NRXN1: variants seen among roughly 807,000 people sequenced by gnomAD.
The protein encoded by NRXN1 is neurexin 1, also known as neurexin-1.
In NRXN1, 39 loss-of-function variants were observed where a neutral mutation model predicts 150.9. The observed-to-expected ratio is 0.26, with a 90% CI of 0.20 to 0.34. NRXN1 has a LOEUF of 0.34. NRXN1 is among the 10% of genes least tolerant of loss of function. The pLI is 1.00. For missense variants in NRXN1, 1,815 were observed against 1,949.9 expected, an observed-to-expected ratio of 0.93 and a Z score of 1.30; for synonymous variants, 924 against 757.0, an observed-to-expected ratio of 1.22 and a Z score of -3.62.
At chr2:50,219,166 T>A (rs563436911) in intron 18 of NRXN1, among the ~76,000 whole-genome samples, 215 of 152,134 alleles carry the variant, frequency 1.4e-3, no homozygotes, top group Non-Finnish European at 2.3e-3. Context: ...GTATTGCAGA[T>A]GACAAACAGG....
At chr2:49,953,229 A>AT (rs2104472683) in intron 21 of NRXN1, among the ~76,000 whole-genome samples, 1 of 152,184 alleles carries the variant, frequency 6.6e-6, no homozygotes, top group Non-Finnish European at 1.5e-5. Context: ...GTATTTTCTG[A>AT]TTTTGAGTTG....
intron 18 of NRXN1, among the ~76,000 whole-genome samples, chr2:50,233,188 T>C (rs1486112560): frequency 6.6e-6 from 1 of 152,050 alleles, no homozygotes; most frequent in African/African-American, 2.4e-5. Context: ...ACTATACTAA[T>C]TAATTGCTCT....
At chr2:50,829,179 G>T (rs1671018859) in intron 5 of NRXN1, among the ~76,000 whole-genome samples, 1 of 152,148 alleles carries the variant, frequency 6.6e-6, no homozygotes, top group South Asian at 2.1e-4. Flanking sequence ...GATGGCAGCA[G>T]TACAGTCCAG....
intron 2 of NRXN1, among the ~76,000 whole-genome samples, chr2:50,978,057 C>A (rs567225833): frequency 1.3e-5 from 2 of 150,808 alleles, no homozygotes; most frequent in South Asian, 4.2e-4. Flanking sequence ...CATCAGTGGG[C>A]AAAATATTGC....
At chr2:50,798,746 CA>C (rs1707185227) in intron 5 of NRXN1, among the ~76,000 whole-genome samples, 2 of 152,298 alleles carry the variant, frequency 1.3e-5, no homozygotes, top group South Asian at 4.1e-4. Flanking sequence ...TGCAAAATTA[CA>C]GCAGTCTGTA....
chr2:49,948,626 C>T (rs1332806024), intron 21 of NRXN1, among the ~76,000 whole-genome samples: 1 of 151,814 alleles, frequency 6.6e-6, no homozygotes, highest in Non-Finnish European at 1.5e-5. Context: ...AATCAAATTT[C>T]ACTTTAGAAG....
chr2:50,478,882 C>T (rs1002283943), intron 15 of NRXN1, among the ~76,000 whole-genome samples: 1 of 152,140 alleles, frequency 6.6e-6, no homozygotes, highest in Non-Finnish European at 1.5e-5. Context: ...TCAACTTTGC[C>T]AATATTTCTG....
At chr2:50,185,791 T>G (rs1319087105) in intron 18 of NRXN1, 2 of 152,094 alleles carry the variant, frequency 1.3e-5, no homozygotes, top group Non-Finnish European at 2.9e-5. Context: ...TTGCATTATT[T>G]CTTACAACAA....
intron 18 of NRXN1, among the ~76,000 whole-genome samples, chr2:50,139,713 T>C (rs917087328): frequency 6.6e-6 from 1 of 152,178 alleles, no homozygotes; most frequent in African/African-American, 2.4e-5. Flanking sequence ...ATTACAGATG[T>C]AATTGGAAAT....
intron 12 of NRXN1, among the ~76,000 whole-genome samples, chr2:50,523,130 A>G (rs370771373): frequency 1.4e-4 from 14 of 98,132 alleles, no homozygotes; most frequent in African/African-American, 6.5e-4. Flanking sequence ...CATTCTTTAC[A>G]TTTTACATGC....
intron 17 of NRXN1, among the ~76,000 whole-genome samples, chr2:50,375,711 T>C (rs1400573030): frequency 1.3e-5 from 2 of 151,424 alleles, no homozygotes; most frequent in African/African-American, 4.9e-5. Context: ...CTCAAATGCA[T>C]GTAAGTGTCA....
chr2:50,804,997 T>C (rs1370958352), intron 5 of NRXN1, among the ~76,000 whole-genome samples: 1 of 152,210 alleles, frequency 6.6e-6, no homozygotes, highest in East Asian at 1.9e-4. Context: ...GCTGCATCAC[T>C]AGGTGACCTT....
intron 17 of NRXN1, among the ~76,000 whole-genome samples, chr2:50,413,545 G>A (rs759150959): frequency 1.6e-4 from 24 of 152,232 alleles, no homozygotes; most frequent in Admixed American, 9.2e-4. Context: ...ATGCCTGTGA[G>A]GATGTGGAGA....
At chr2:50,550,806 C>G (rs1007227995) in intron 9 of NRXN1, among the ~76,000 whole-genome samples, 1 of 151,752 alleles carries the variant, frequency 6.6e-6, no homozygotes. Flanking sequence ...CTCAGCCTCC[C>G]GAGTGGCTGG....
At chr2:50,430,312 C>T (rs914776407) in intron 17 of NRXN1, among the ~76,000 whole-genome samples, 10 of 150,916 alleles carry the variant, frequency 6.6e-5, no homozygotes, top group Non-Finnish European at 1.5e-5. Flanking sequence ...TCACTTTAAT[C>T]TCAATGACTC....
intron 21 of NRXN1, among the ~76,000 whole-genome samples, chr2:50,024,330 G>A (rs1687971487): frequency 6.6e-6 from 1 of 152,166 alleles, no homozygotes; most frequent in Non-Finnish European, 1.5e-5. Context: ...TTTGCCCTGA[G>A]TGTTTTTCTA....
intron 18 of NRXN1, among the ~76,000 whole-genome samples, chr2:50,161,277 A>AT (rs2059349007): frequency 6.6e-6 from 1 of 152,138 alleles, no homozygotes. Context: ...TAGAGCAGGG[A>AT]TTTTAACTGA....
rs569540701 is a variant in NRXN1, at chr2:50,701,834, T to C, written c.833-78219A>G. On this transcript the variant is annotated intron_variant, in intron 5 of 22. Coordinates refer to ENST00000401669, the MANE Select transcript of NRXN1 (RefSeq NM_001330078.2). ...CTCTCTTCTATCAGGATAATTATAA[T>C]GGCATAATCCCTTTTATGTGACTTC... 2.6e-5 allele frequency among the ~76,000 whole-genome samples: 4 copies of C among 152,328 alleles called. No homozygotes were observed. In the East Asian group the frequency reaches 5.8e-4, roughly 22 times the overall value.
At chr2:50,490,719 T>C (rs2091202554) in intron 15 of NRXN1, among the ~76,000 whole-genome samples, 2 of 152,234 alleles carry the variant, frequency 1.3e-5, no homozygotes, top group African/African-American at 4.8e-5. Context: ...GCTGCACTGC[T>C]GTCACGGTGG....
Sources: gnomAD v4.1 joint callset for allele counts (sites outside exome capture counted in the v4.1 genomes callset) on GRCh38, gnomAD v4.1.1 for gene constraint, MANE v1.5 for transcripts, NCBI Gene and HGNC (gene_info 2026-07-23, HGNC 2026-07-21) for gene names.